Variants in ERBB4 observed in about 807,000 individuals in gnomAD.
ERBB4 encodes the protein erb-b2 receptor tyrosine kinase 4.
ERBB4 carries 42 observed loss-of-function variants against 158.0 expected under a neutral mutation model. The observed-to-expected ratio is 0.27, with a 90% CI of 0.21 to 0.34. The LOEUF is 0.34. Ranked by LOEUF, ERBB4 falls within the 10% of genes least tolerant of loss-of-function variation. The probability of loss-of-function intolerance (pLI) is 1.00; values close to 1 mark genes in which losing one functional copy is unlikely to be tolerated. For missense variants in ERBB4, 1,333 were observed against 1,624.1 expected (o/e 0.82, Z 3.08); for synonymous variants, 583 against 558.7 (o/e 1.04, Z -0.61).
At chr2:212,316,037 A>G (rs937270202) in intron 1 of ERBB4, among the ~76,000 whole-genome samples, 1 of 151,536 alleles carries the variant, frequency 6.6e-6, no homozygotes, top group Admixed American at 6.6e-5. Flanking sequence ...GAAAAAAAAG[A>G]AAGTTCCAAA....
intron 2 of ERBB4, among the ~76,000 whole-genome samples, chr2:211,967,121 T>G (rs1487209080): frequency 6.6e-6 from 1 of 152,168 alleles, no homozygotes; most frequent in Non-Finnish European, 1.5e-5. Context: ...CTGAGTGAAT[T>G]CTACACAGAA....
At chr2:211,494,457 T>C (rs1207863907) in intron 20 of ERBB4, among the ~76,000 whole-genome samples, 1 of 152,148 alleles carries the variant, frequency 6.6e-6, no homozygotes, top group Non-Finnish European at 1.5e-5. Context: ...TTTAAACTAA[T>C]TTGAAATAAT....
At chr2:212,051,136 G>C (rs1421486770) in intron 2 of ERBB4, among the ~76,000 whole-genome samples, 3 of 152,092 alleles carry the variant, frequency 2.0e-5, no homozygotes, top group Non-Finnish European at 4.4e-5. Context: ...CTCCTATTCA[G>C]AAATTAAAAG....
chr2:212,097,401 C>A (rs1297942689), intron 2 of ERBB4, among the ~76,000 whole-genome samples: 1 of 152,022 alleles, frequency 6.6e-6, no homozygotes, highest in Admixed American at 6.5e-5. Flanking sequence ...ACATTGTGAG[C>A]ATAGGGAACT....
chr2:211,763,632 C>T (rs943746132), intron 4 of ERBB4, among the ~76,000 whole-genome samples: 3 of 151,938 alleles, frequency 2.0e-5, no homozygotes, highest in African/African-American at 7.3e-5. Flanking sequence ...TTACAGCCTT[C>T]CTTTTTTATT....
At chr2:212,097,646 G>A (rs535449176) in intron 2 of ERBB4, among the ~76,000 whole-genome samples, 3 of 152,122 alleles carry the variant, frequency 2.0e-5, no homozygotes, top group Admixed American at 6.5e-5. Context: ...GCAGAGAAAG[G>A]GGTAGCCAAT....
At chr2:212,293,976 A>G (rs1172325737) in intron 1 of ERBB4, among the ~76,000 whole-genome samples, 1 of 151,962 alleles carries the variant, frequency 6.6e-6, no homozygotes, top group Non-Finnish European at 1.5e-5. Context: ...ATTTTTCTAT[A>G]CCAGTTCCCT....
intron 2 of ERBB4, among the ~76,000 whole-genome samples, chr2:211,959,533 G>A (rs1489901477): frequency 6.6e-6 from 1 of 151,960 alleles, no homozygotes; most frequent in Non-Finnish European, 1.5e-5. Flanking sequence ...TACTTAGAGA[G>A]GCACTTTGTG....
At chr2:211,929,267 CAGAGAGAG>C (rs140448083) in intron 3 of ERBB4, among the ~76,000 whole-genome samples, 5 of 141,266 alleles carry the variant, frequency 3.5e-5, no homozygotes, top group African/African-American at 1.3e-4. Context: ...GTGTGTGTGA[CAGAGAGAG>C]AGAGAGAGAG....
intron 1 of ERBB4, among the ~76,000 whole-genome samples, chr2:212,389,716 T>C (rs1222589747): frequency 6.6e-6 from 1 of 151,994 alleles, no homozygotes; most frequent in Non-Finnish European, 1.5e-5. Context: ...TAGTAACCAT[T>C]TGTTGAGCAT....
intron 2 of ERBB4, among the ~76,000 whole-genome samples, chr2:211,948,490 C>T (rs1264469156): frequency 6.9e-6 from 1 of 144,846 alleles, no homozygotes; most frequent in African/African-American, 2.5e-5. Context: ...AAATTCATTC[C>T]AACCACATTT....
intron 1 of ERBB4, 170 bp from the exon 2 acceptor site, chr2:212,125,073 C>T: frequency 1.4e-6 from 1 of 697,420 alleles, no homozygotes; most frequent in Non-Finnish European, 2.4e-6. Context: ...AACATTTTCA[C>T]TTTTATATTC....
chr2:212,445,732 C>T (rs1015128861), intron 1 of ERBB4, among the ~76,000 whole-genome samples: 13 of 152,094 alleles, frequency 8.5e-5, no homozygotes, highest in Non-Finnish European at 1.9e-4. Flanking sequence ...GTCCAGACCC[C>T]GCAGGAATGA....
At chr2:211,457,312 C>T (rs1261945635) in intron 20 of ERBB4, among the ~76,000 whole-genome samples, 2 of 152,120 alleles carry the variant, frequency 1.3e-5, no homozygotes, top group Non-Finnish European at 2.9e-5. Context: ...ATGTTAGTTT[C>T]CCCTTCAGTG....
At chr2:211,984,149 T>G (rs1012671761) in intron 2 of ERBB4, among the ~76,000 whole-genome samples, 2 of 152,276 alleles carry the variant, frequency 1.3e-5, no homozygotes, top group South Asian at 4.1e-4. Flanking sequence ...ATGGTACGGA[T>G]GGTGCCTTCT....
chr2:212,417,259 C>A, intron 1 of ERBB4, among the ~76,000 whole-genome samples: 1 of 151,916 alleles, frequency 6.6e-6, no homozygotes, highest in East Asian at 1.9e-4. Flanking sequence ...GCAGATGAAG[C>A]AATATCTATC....
intron 2 of ERBB4, among the ~76,000 whole-genome samples, chr2:212,004,653 C>A (rs2076218527): frequency 6.6e-6 from 1 of 152,040 alleles, no homozygotes; most frequent in African/African-American, 2.4e-5. Context: ...AAGAAAAAAA[C>A]CCATCATCTT....
chr2:212,244,029 C>G (rs2084216660), intron 1 of ERBB4, among the ~76,000 whole-genome samples: 1 of 152,014 alleles, frequency 6.6e-6, no homozygotes. Flanking sequence ...GTACTATCTA[C>G]TTAATATTGA....
Position 211,523,263 on chromosome 2 carries a change from C to T in ERBB4, c.2487+38640G>A, listed in dbSNP as rs1013295447. ...TAAAAGAGGCACTGAAGAGGAAAAACAGCCTTGAATTGCCAATGCAACCCC... is the reference window on the plus strand; with the variant it reads ...TAAAAGAGGCACTGAAGAGGAAAAATAGCCTTGAATTGCCAATGCAACCCC... On this transcript the variant is annotated intron_variant, in intron 20 of 27. Transcript: ENST00000342788. Among the ~76,000 whole-genome samples the T allele has an allele frequency of 2.8e-5, 4 of 144,702 alleles. No homozygotes were observed. In the Admixed American group the frequency reaches 2.9e-4, roughly 11 times the overall value. The allele number at this position is 144,702 out of a possible 152,430, so 94.9% of individuals were successfully genotyped here. A position where few individuals can be genotyped will look rare whatever the true frequency, so the allele number is the denominator to read the frequency against.
Sources: gnomAD v4.1 joint callset for allele counts (sites outside exome capture counted in the v4.1 genomes callset) on GRCh38, gnomAD v4.1.1 for gene constraint, MANE v1.5 for transcripts, NCBI Gene and HGNC (gene_info 2026-07-23, HGNC 2026-07-21) for gene names.